Variants in EDIL3 observed in about 807,000 individuals in gnomAD.
The protein encoded by EDIL3 is EGF like and discoidin domains 3, also known as EGF-like repeat and discoidin I-like domain-containing protein 3.
Under a neutral mutation model 67.4 loss-of-function variants are expected in EDIL3, and 37 were observed. That is an observed-to-expected ratio of 0.55 (90% CI 0.42 to 0.72). The LOEUF (loss-of-function observed/expected upper bound fraction) is 0.72. Ranked by LOEUF, EDIL3 falls within the 30% of genes least tolerant of loss-of-function variation. The pLI, the probability that EDIL3 is intolerant of heterozygous loss-of-function variation, is 0.00. For missense variants in EDIL3, 527 were observed against 586.3 expected (o/e 0.90, Z 1.04); for synonymous variants, 195 against 196.3 (o/e 0.99, Z 0.05).
At chr5:84,003,689 AC>A (rs1313835937) in intron 9 of EDIL3, among the ~76,000 whole-genome samples, 1 of 152,174 alleles carries the variant, frequency 6.6e-6, no homozygotes, top group Admixed American at 6.5e-5. Flanking sequence ...AAATATGATA[AC>A]AAAAAACTGC....
At chr5:84,231,840 C>T (rs1437554186) in intron 2 of EDIL3, among the ~76,000 whole-genome samples, 1 of 152,116 alleles carries the variant, frequency 6.6e-6, no homozygotes, top group Non-Finnish European at 1.5e-5. Context: ...TGCAGAAGTG[C>T]TGACTTAGAT....
At chr5:84,132,272 T>C (rs1747980999) in intron 5 of EDIL3, among the ~76,000 whole-genome samples, 1 of 115,422 alleles carries the variant, frequency 8.7e-6, no homozygotes, top group Non-Finnish European at 1.7e-5. Context: ...ATAATATATC[T>C]TTTTTTCATA....
At chr5:84,380,768 G>C (rs1348355817) in intron 1 of EDIL3, among the ~76,000 whole-genome samples, 1 of 151,812 alleles carries the variant, frequency 6.6e-6, no homozygotes, top group Non-Finnish European at 1.5e-5. Context: ...ATTAACAGCT[G>C]GTACTACTAA....
intron 1 of EDIL3, among the ~76,000 whole-genome samples, chr5:84,362,769 T>A (rs1469845854): frequency 6.6e-6 from 1 of 152,160 alleles, no homozygotes; most frequent in African/African-American, 2.4e-5. Context: ...AACTCTAGAT[T>A]GGTTTACTAT....
intron 3 of EDIL3, among the ~76,000 whole-genome samples, chr5:84,187,714 C>T (rs1375429350): frequency 6.6e-6 from 1 of 151,788 alleles, no homozygotes; most frequent in East Asian, 1.9e-4. Context: ...TTGGCAGTTG[C>T]CATTTTGAGC....
chr5:84,351,140 A>G lies in EDIL3; in HGVS notation c.67+33168T>C, dbSNP rs1218581761. Among the ~76,000 whole-genome samples, 3 of 152,116 alleles carry G rather than the reference A, an allele frequency of 2.0e-5. No homozygotes were observed. The East Asian group carries it at 5.8e-4, about 29-fold the overall frequency. On this transcript the variant is annotated intron_variant, in intron 1 of 10. Coordinates refer to ENST00000296591, the MANE Select transcript of EDIL3 (RefSeq NM_005711.5). Reference sequence around the variant, plus strand: ...TTCCTTTAAATTAGCTTTTTAGGGTATTAAAAAGATGTTTATTTGTCAGCA... The same window carrying G: ...TTCCTTTAAATTAGCTTTTTAGGGTGTTAAAAAGATGTTTATTTGTCAGCA...
intron 10 of EDIL3, among the ~76,000 whole-genome samples, chr5:83,944,268 T>C (rs191190031): frequency 2.6e-5 from 4 of 152,084 alleles, no homozygotes; most frequent in African/African-American, 7.2e-5. Context: ...TTGAACTGTT[T>C]TTCTCTTCTT....
At chr5:84,038,959 C>T (rs2112211311) in intron 9 of EDIL3, among the ~76,000 whole-genome samples, 1 of 152,240 alleles carries the variant, frequency 6.6e-6, no homozygotes, top group African/African-American at 2.4e-5. Context: ...AGGCCTGATA[C>T]CATTCAGCCT....
intron 3 of EDIL3, among the ~76,000 whole-genome samples, chr5:84,189,620 G>A (rs371429139): frequency 3.9e-5 from 6 of 151,908 alleles, no homozygotes; most frequent in Non-Finnish European, 7.4e-5. Flanking sequence ...TCTTTCCCCC[G>A]TACATTCATC....
intron 2 of EDIL3, among the ~76,000 whole-genome samples, chr5:84,237,322 CT>C: frequency 6.6e-6 from 1 of 152,158 alleles, no homozygotes; most frequent in East Asian, 1.9e-4. Context: ...ACAGTATCCA[CT>C]TAAGAAAACC....
At chr5:83,982,569 T>C (rs1480861090) in intron 9 of EDIL3, among the ~76,000 whole-genome samples, 4 of 152,130 alleles carry the variant, frequency 2.6e-5, no homozygotes, top group Non-Finnish European at 4.4e-5. Context: ...GAGGATCACA[T>C]ATTTTTGTAA....
intron 5 of EDIL3, among the ~76,000 whole-genome samples, chr5:84,131,980 C>T (rs1256382129): frequency 6.6e-6 from 1 of 151,804 alleles, no homozygotes; most frequent in Non-Finnish European, 1.5e-5. Context: ...CACCTTTAAT[C>T]CCAGCACTTT....
At chr5:84,155,103 G>C (rs764374916) in intron 4 of EDIL3, among the ~76,000 whole-genome samples, 12 of 151,942 alleles carry the variant, frequency 7.9e-5, no homozygotes, top group Non-Finnish European at 1.3e-4. Flanking sequence ...ACCCTTTCTT[G>C]GATCCTAGGT....
intron 1 of EDIL3, among the ~76,000 whole-genome samples, chr5:84,312,907 C>T (rs1364360886): frequency 6.6e-6 from 1 of 151,982 alleles, no homozygotes; most frequent in African/African-American, 2.4e-5. Flanking sequence ...GTGGGAAATC[C>T]ATAATTCAAC....
At chr5:84,278,673 C>T (rs1466817627) in intron 1 of EDIL3, among the ~76,000 whole-genome samples, 1 of 152,168 alleles carries the variant, frequency 6.6e-6, no homozygotes, top group Non-Finnish European at 1.5e-5. Context: ...GAAGAACAAA[C>T]TTTTCTCCAT....
At chr5:83,969,392 TAAAC>T (rs781504662) in intron 9 of EDIL3, among the ~76,000 whole-genome samples, 2 of 151,750 alleles carry the variant, frequency 1.3e-5, no homozygotes, top group South Asian at 4.2e-4. Context: ...ATTTTAAAAA[TAAAC>T]AAAAAAGGCC....
At chr5:84,080,298 C>CAAAAAAAA (rs369961167) in intron 6 of EDIL3, among the ~76,000 whole-genome samples, 7 of 54,276 alleles carry the variant, frequency 1.3e-4, no homozygotes, top group African/African-American at 4.2e-4. Context: ...GACTCTGTCT[C>CAAAAAAAA]AAAAAAAAAA....
At chr5:84,079,359 T>A (rs1489012692) in intron 6 of EDIL3, among the ~76,000 whole-genome samples, 1 of 152,090 alleles carries the variant, frequency 6.6e-6, no homozygotes, top group East Asian at 1.9e-4. Flanking sequence ...TGAAGTCTCG[T>A]GGAACTGTCT....
intron 10 of EDIL3, among the ~76,000 whole-genome samples, chr5:83,952,117 C>T (rs1251657842): frequency 6.6e-6 from 1 of 151,738 alleles, no homozygotes. Flanking sequence ...GAAAGAGCCC[C>T]AAGAGCCTCA....
Sources: gnomAD v4.1 joint callset for allele counts (sites outside exome capture counted in the v4.1 genomes callset) on GRCh38, gnomAD v4.1.1 for gene constraint, MANE v1.5 for transcripts, NCBI Gene and HGNC (gene_info 2026-07-23, HGNC 2026-07-21) for gene names.